Variants in TACR3 observed in about 807,000 individuals in gnomAD.
The protein encoded by TACR3 is neuromedin-K receptor.
TACR3 carries 34 observed loss-of-function variants against 35.0 expected under a neutral mutation model. That is an observed-to-expected ratio of 0.97 (90% CI 0.74 to 1.30). TACR3 has a LOEUF of 1.30. TACR3 is among the 50% of genes most tolerant of loss of function. The probability of loss-of-function intolerance (pLI) is 0.00; values close to 1 mark genes in which losing one functional copy is unlikely to be tolerated. For missense variants in TACR3, 558 were observed against 591.7 expected (o/e 0.94, Z 0.59); for synonymous variants, 233 against 221.1 (o/e 1.05, Z -0.48).
At chr4:103,711,358 A>T (rs1457836308) in intron 1 of TACR3, among the ~76,000 whole-genome samples, 1 of 152,202 alleles carries the variant, frequency 6.6e-6, no homozygotes, top group East Asian at 1.9e-4. Context: ...CAATAAACAT[A>T]ATCCAGCATA....
intron 3 of TACR3, among the ~76,000 whole-genome samples, chr4:103,631,677 T>A (rs147207802): frequency 6.6e-6 from 1 of 152,152 alleles, no homozygotes; most frequent in Non-Finnish European, 1.5e-5. Flanking sequence ...AAGTCCACAA[T>A]TGGCTCTCCC....
In TACR3 at chr4:103,633,950, C is replaced by T. The variant is rs182912089; in HGVS notation, c.888+22244G>A. Among the ~76,000 whole-genome samples the T allele has an allele frequency of 2.0e-5, 3 of 152,108 alleles. No homozygotes were observed. In the East Asian group the frequency reaches 5.8e-4, roughly 29 times the overall value. ...TACATAAATATGAGTCAGAACCAAT[C>T]GACCTATCACCATGTGAAATAAGCA... On this transcript the variant is annotated intron_variant, in intron 3 of 4. Transcript: ENST00000304883.
At chr4:103,590,277 G>C (rs911720404) in intron 4 of TACR3, among the ~76,000 whole-genome samples, 8 of 151,952 alleles carry the variant, frequency 5.3e-5, no homozygotes, top group Non-Finnish European at 1.0e-4. Flanking sequence ...CATAGCATCA[G>C]GTAATCAATA....
intron 1 of TACR3, among the ~76,000 whole-genome samples, chr4:103,704,768 G>C (rs993196804): frequency 6.6e-6 from 1 of 152,086 alleles, no homozygotes; most frequent in Admixed American, 6.6e-5. Flanking sequence ...GAAGACTACT[G>C]ATAAGTTCTT....
intron 1 of TACR3, among the ~76,000 whole-genome samples, chr4:103,718,662 G>T (rs561257295): frequency 2.9e-4 from 44 of 152,224 alleles, no homozygotes; most frequent in African/African-American, 9.9e-4. Context: ...TGAGGATGAG[G>T]AACAGACAGA....
intron 3 of TACR3, among the ~76,000 whole-genome samples, chr4:103,626,488 G>C (rs553049291): frequency 6.6e-6 from 1 of 152,084 alleles, no homozygotes; most frequent in Admixed American, 6.5e-5. Context: ...TAAGGGCCTG[G>C]GGCAGAATGG....
chr4:103,630,018 C>T (rs377435248), intron 3 of TACR3, among the ~76,000 whole-genome samples: 14 of 151,946 alleles, frequency 9.2e-5, no homozygotes, highest in African/African-American at 2.7e-4. Flanking sequence ...CAGAATAGAG[C>T]CCTCAGAAAT....
chr4:103,711,090 T>A (rs1359061563), intron 1 of TACR3, among the ~76,000 whole-genome samples: 2 of 152,180 alleles, frequency 1.3e-5, no homozygotes, highest in African/African-American at 4.8e-5. Context: ...CCATTCCTTA[T>A]GAAACTATTC....
chr4:103,717,825 T>C (rs565371207), intron 1 of TACR3, among the ~76,000 whole-genome samples: 6 of 150,766 alleles, frequency 4.0e-5, no homozygotes, highest in Admixed American at 4.0e-4. Flanking sequence ...GATTTTTTTT[T>C]CATTCTTTGC....
At chr4:103,674,714 G>C (rs1726129273) in intron 1 of TACR3, among the ~76,000 whole-genome samples, 1 of 152,072 alleles carries the variant, frequency 6.6e-6, no homozygotes, top group Non-Finnish European at 1.5e-5. Context: ...TCCACGCCTG[G>C]CTAATTTTTG....
At chr4:103,714,074 T>C (rs1723032480) in intron 1 of TACR3, among the ~76,000 whole-genome samples, 2 of 152,188 alleles carry the variant, frequency 1.3e-5, no homozygotes, top group African/African-American at 4.8e-5. Flanking sequence ...AATGATACTT[T>C]CATGCTTGTT....
Position 103,656,291 on chromosome 4 carries a change from C to T in TACR3, c.791G>A (p.Gly264Asp). ...LVYCFPLLIM[G>D]ITYTIVGITL... ...AATTCCAACAATGGTGTATGTAATA[C>T]CCATGATGAGCAATGGGAAACAGTA... Residue 264 changes from glycine (G) to aspartate (D), a missense_variant, in exon 3 of 5, where the codon GGT becomes GAT. Transcript: ENST00000304883. 6.2e-7 allele frequency: 1 copy of T among 1,612,646 alleles called. No individual in the cohort carries two copies. Among genetic ancestry groups the T allele is most frequent in the Non-Finnish European group, 8.5e-7 (1 of 1,179,054 alleles).
intron 1 of TACR3, among the ~76,000 whole-genome samples, chr4:103,716,127 G>A (rs1399908461): frequency 6.6e-6 from 1 of 151,974 alleles, no homozygotes; most frequent in African/African-American, 2.4e-5. Flanking sequence ...TGAGGCAAGT[G>A]TTACATTTAT....
intron 3 of TACR3, among the ~76,000 whole-genome samples, chr4:103,635,336 A>C (rs1457029102): frequency 6.6e-6 from 1 of 151,968 alleles, no homozygotes; most frequent in Non-Finnish European, 1.5e-5. Context: ...TTGAAGAGAA[A>C]GAATATAGCG....
intron 3 of TACR3, among the ~76,000 whole-genome samples, chr4:103,614,877 T>C (rs1724599705): frequency 6.8e-6 from 1 of 147,854 alleles, no homozygotes; most frequent in African/African-American, 2.5e-5. Context: ...AAGTTGATTA[T>C]GAATGTGTTT....
intron 3 of TACR3, among the ~76,000 whole-genome samples, chr4:103,599,767 G>A (rs1431404017): frequency 1.3e-5 from 2 of 152,128 alleles, no homozygotes; most frequent in African/African-American, 2.4e-5. Context: ...TTGTTGATTT[G>A]CGTATGTCGA....
intron 1 of TACR3, among the ~76,000 whole-genome samples, chr4:103,708,388 G>T (rs1426704736): frequency 6.6e-6 from 1 of 152,174 alleles, no homozygotes; most frequent in African/African-American, 2.4e-5. Context: ...TGATACCCTG[G>T]CAAACAGGGT....
intron 1 of TACR3, among the ~76,000 whole-genome samples, chr4:103,716,025 T>C (rs1723081954): frequency 6.6e-6 from 1 of 152,156 alleles, no homozygotes. Flanking sequence ...GTCATAATAG[T>C]GTAGAGGTGA....
At chr4:103,620,951 C>A (rs1359651181) in intron 3 of TACR3, among the ~76,000 whole-genome samples, 1 of 152,174 alleles carries the variant, frequency 6.6e-6, no homozygotes, top group Non-Finnish European at 1.5e-5. Context: ...AGCATTTATA[C>A]CATTCTTGAA....
Sources: allele counts gnomAD v4.1 joint callset (sites outside exome capture counted in the v4.1 genomes callset), GRCh38; gene constraint gnomAD v4.1.1; transcripts MANE v1.5; gene names NCBI Gene and HGNC (gene_info 2026-07-23, HGNC 2026-07-21).